Variants in DENND10 observed in about 807,000 individuals in gnomAD.
DENND10 encodes the protein DENN domain-containing protein 10.
A neutral mutation model predicts 43.6 loss-of-function variants in DENND10; 24 were observed. That is an observed-to-expected ratio of 0.55 (90% CI 0.40 to 0.77). The LOEUF (loss-of-function observed/expected upper bound fraction) is 0.77. Ranked by LOEUF, DENND10 falls within the 30% of genes least tolerant of loss-of-function variation. The probability of loss-of-function intolerance (pLI) is 0.00; values close to 1 mark genes in which losing one functional copy is unlikely to be tolerated. For missense variants in DENND10, 303 were observed against 429.9 expected, an observed-to-expected ratio of 0.70 and a Z score of 2.61; for synonymous variants, 125 against 157.6, an observed-to-expected ratio of 0.79 and a Z score of 1.55.
At chr10:119,111,370 A>C (rs888343871) in intron 2 of DENND10, among the ~76,000 whole-genome samples, 1 of 151,752 alleles carries the variant, frequency 6.6e-6, no homozygotes, top group African/African-American at 2.4e-5. Context: ...CAGCTACTTA[A>C]GAGGCTGAGG....
chr10:119,104,326 T>C, intron 1 of DENND10, 129 bp downstream of exon 1: 1 of 842,072 alleles, frequency 1.2e-6, no homozygotes, highest in Non-Finnish European at 1.8e-6. Flanking sequence ...GCCCCCTCCC[T>C]GTTGGGCCTG....
intron 1 of DENND10, among the ~76,000 whole-genome samples, chr10:119,106,174 G>T (rs1347959074): frequency 6.6e-6 from 1 of 152,124 alleles, no homozygotes; most frequent in Non-Finnish European, 1.5e-5. Context: ...AGTGAGCTGA[G>T]ATTGCGCCAC....
chr10:119,121,596 A>G (rs1845582367), intron 5 of DENND10, among the ~76,000 whole-genome samples: 2 of 151,792 alleles, frequency 1.3e-5, no homozygotes, highest in Non-Finnish European at 2.9e-5. Flanking sequence ...CTGAGACTAC[A>G]GGTGCGCACC....
chr10:119,108,010 C>G lies in DENND10; in HGVS notation c.98C>G (p.Pro33Arg). 1 of 1,613,864 alleles carries G rather than the reference C, an allele frequency of 6.2e-7. No individual in the cohort carries two copies. Among genetic ancestry groups the G allele is most frequent in the Non-Finnish European group, 8.5e-7 (1 of 1,179,810 alleles). ...GAAGTTCTGTGGGTGTGGTGTTATC[C>G]TTCCACGACAGCCACATTAAGGAAC... Reference protein sequence around the residue: ...NGEVLWVWCYPSTTATLRNLL... With the variant: ...NGEVLWVWCYRSTTATLRNLL... The change falls in exon 2 of 9, where the codon CCT becomes CGT. Residue 33 changes from proline (P) to arginine (R), a missense_variant. By Grantham distance (103) the Pro-to-Arg change is moderately radical (BLOSUM62 -2). Transcript: ENST00000361432.
chr10:119,112,239 G>T (rs1845010881), intron 3 of DENND10, among the ~76,000 whole-genome samples: 1 of 152,092 alleles, frequency 6.6e-6, no homozygotes. Flanking sequence ...CCCTTAGTAG[G>T]TTGGATAAGT....
At chr10:119,121,466 T>C (rs1845573765) in intron 5 of DENND10, among the ~76,000 whole-genome samples, 1 of 147,216 alleles carries the variant, frequency 6.8e-6, no homozygotes, top group Non-Finnish European at 1.5e-5. Context: ...TTTTTTTTTT[T>C]TGGAGGCAGA....
At position 119,132,372 on chromosome 10, in the gene DENND10, G is replaced by A. The variant is rs1846126496; in HGVS notation, c.803-143G>A. Reference sequence around the variant, plus strand: ...TTCCTCCCAGCATGTTGTCATATTTGTGTCTAGTGATAAAATGGACATGTG... The same window carrying A: ...TTCCTCCCAGCATGTTGTCATATTTATGTCTAGTGATAAAATGGACATGTG... On this transcript the variant is annotated intron_variant, in intron 7 of 8. Transcript: ENST00000361432. The surrounding 1 kb of genome is among the most constrained non-coding windows in gnomAD (Gnocchi z 4.2). 5 of 704,702 alleles carry A rather than the reference G, an allele frequency of 7.1e-6. No individual in the cohort carries two copies. The highest frequency in any genetic ancestry group is 1.0e-5 in the Non-Finnish European group (4 of 386,314). 43.7% of individuals were successfully genotyped at this position (704,702 alleles called of 1,614,324 possible). A position where few individuals can be genotyped will look rare whatever the true frequency, so the allele number is the denominator to read the frequency against.
Position 119,122,666 on chromosome 10 carries a change from A to G in DENND10, c.594-803A>G, listed in dbSNP as rs143641411. The stretch of plus-strand genomic sequence containing the variant: ...TCATGAAGCCACAGATAAATTTGAT[A>G]CATCTTGTTGCAGTCATTATTCTAC... On this transcript the variant is annotated intron_variant, in intron 5 of 8. Transcript: ENST00000361432. 3.2e-3 allele frequency among the ~76,000 whole-genome samples: 489 copies of G among 152,314 alleles called. 1 individual carries two copies. The highest frequency in any genetic ancestry group is 0.011 in the African/African-American group (461 of 41,560).
chr10:119,129,947 A>G (rs1368471935), intron 7 of DENND10, among the ~76,000 whole-genome samples: 2 of 152,150 alleles, frequency 1.3e-5, no homozygotes, highest in African/African-American at 4.8e-5. Context: ...TTAATTTTGA[A>G]ATGTTTCTGA....
chr10:119,114,834 A>G (rs1051876847), intron 3 of DENND10, among the ~76,000 whole-genome samples: 1 of 151,150 alleles, frequency 6.6e-6, no homozygotes, highest in Non-Finnish European at 1.5e-5. Context: ...CAGTGGCGCC[A>G]CCTCGGCTCA....
At chr10:119,113,203 T>C (rs1251896876) in intron 3 of DENND10, among the ~76,000 whole-genome samples, 2 of 151,584 alleles carry the variant, frequency 1.3e-5, no homozygotes, top group African/African-American at 4.9e-5. Flanking sequence ...GTTGTCTTTT[T>C]TTTAGCGACA....
Position 119,132,477 on chromosome 10 carries a change from T to TG in DENND10, c.803-37dup. The TG allele has an allele frequency of 6.5e-7, 1 of 1,529,738 alleles. No homozygotes were observed. The highest frequency in any genetic ancestry group is 9.1e-7 in the Non-Finnish European group (1 of 1,104,446). The allele number at this position is 1,529,738 out of a possible 1,614,324, so 94.8% of individuals were successfully genotyped here. A position where few individuals can be genotyped will look rare whatever the true frequency, so the allele number is the denominator to read the frequency against. The stretch of plus-strand genomic sequence containing the variant: ...AGATAGATGGCATGATTATTTTTTA[T>TG]GTCGATTTCTAAATATTCACCTTCT... On this transcript the variant is annotated intron_variant, in intron 7 of 8. Coordinates refer to ENST00000361432, the MANE Select transcript of DENND10 (RefSeq NM_207009.4). This position sits in a 1 kb window ranked among gnomAD's most constrained non-coding sequence, Gnocchi z 4.2.
intron 8 of DENND10, among the ~76,000 whole-genome samples, chr10:119,135,469 G>A (rs984366124): frequency 6.6e-6 from 1 of 152,104 alleles, no homozygotes; most frequent in African/African-American, 2.4e-5. Context: ...CTTTTGTTGG[G>A]GGGGAGAAAA....
rs189272711 is a variant in DENND10, at chr10:119,106,800, T to C, written c.56-1168T>C. On this transcript the variant is annotated intron_variant, in intron 1 of 8. Coordinates refer to ENST00000361432, the MANE Select transcript of DENND10 (RefSeq NM_207009.4). ...TGGCTCACGCCTATAATCCCAGCAC[T>C]TTGGGGGGCCGAGGCAGGCAGATCA... 1.9e-3 allele frequency among the ~76,000 whole-genome samples: 294 copies of C among 152,308 alleles called. 1 individual carries two copies. The highest frequency in any genetic ancestry group is 6.2e-3 in the African/African-American group (259 of 41,578).
chr10:119,130,198 A>G (rs1007770179), intron 7 of DENND10, among the ~76,000 whole-genome samples: 3 of 149,030 alleles, frequency 2.0e-5, no homozygotes, highest in African/African-American at 5.0e-5. Context: ...ATGGAGTCTT[A>G]TGCCCAGGCT....
chr10:119,124,788 A>T (rs1050608633), intron 6 of DENND10, among the ~76,000 whole-genome samples: 1 of 151,874 alleles, frequency 6.6e-6, no homozygotes, highest in African/African-American at 2.4e-5. Context: ...TTGGCTGGGC[A>T]CAGTGGCTCA....
At position 119,136,718 on chromosome 10, in the gene DENND10, T is replaced by C. The variant is rs1179522722; in HGVS notation, c.*71T>C. The C allele has an allele frequency of 4.1e-5, 28 of 688,652 alleles. No homozygotes were observed. The highest frequency in any genetic ancestry group is 6.2e-5 in the Non-Finnish European group (26 of 420,324). 42.7% of individuals were successfully genotyped at this position (688,652 alleles called of 1,614,324 possible). On this transcript the variant is annotated 3_prime_UTR_variant, in exon 9 of 9. Coordinates refer to ENST00000361432, the MANE Select transcript of DENND10 (RefSeq NM_207009.4). ...TCACTCTGATTACCCACTCACTACA[T>C]GAAGTCCTGAAAATAACAGAGAAAC... is the stretch of plus-strand genomic sequence containing the variant.
At chr10:119,124,384 A>AT (rs1388212433) in intron 6 of DENND10, among the ~76,000 whole-genome samples, 8 of 148,554 alleles carry the variant, frequency 5.4e-5, no homozygotes, top group African/African-American at 1.5e-4. Flanking sequence ...AAAAAAAAAA[A>AT]AAAAAAATTA....
intron 6 of DENND10, among the ~76,000 whole-genome samples, chr10:119,125,653 G>A (rs1845797118): frequency 1.3e-5 from 2 of 151,432 alleles, no homozygotes; most frequent in South Asian, 4.2e-4. Flanking sequence ...GATTACAGGT[G>A]TGCACCACCA....
Sources: gnomAD v4.1 joint callset for allele counts (sites outside exome capture counted in the v4.1 genomes callset) on GRCh38, gnomAD v4.1.1 for gene constraint, Gnocchi (gnomAD v3.1) non-coding constraint, MANE v1.5 for transcripts, NCBI Gene and HGNC (gene_info 2026-07-23, HGNC 2026-07-21) for gene names.